C1GALT1: variants seen among roughly 807,000 people sequenced by gnomAD.
C1GALT1 encodes core 1 synthase, glycoprotein-N-acetylgalactosamine 3-beta-galactosyltransferase 1.
Under a neutral mutation model 31.0 loss-of-function variants are expected in C1GALT1, and 11 were observed. The observed-to-expected ratio is 0.36, with a 90% CI of 0.22 to 0.59. The LOEUF (loss-of-function observed/expected upper bound fraction) is 0.59. Among genes scored for constraint, C1GALT1 ranks in the 20% least tolerant of loss-of-function variants. The pLI is 0.79. For missense variants in C1GALT1, 424 were observed against 425.2 expected (o/e 1.00, Z 0.03); for synonymous variants, 175 against 143.6 (o/e 1.22, Z -1.56).
chr7:7,225,047 G>A (rs1782692196), intron 1 of C1GALT1, among the ~76,000 whole-genome samples: 1 of 125,076 alleles, frequency 8.0e-6, no homozygotes, highest in Admixed American at 7.7e-5. Context: ...TTACAAGTGA[G>A]AACTAATAAG....
chr7:7,164,283 G>T (rs561329496), intron 2 of C1GALT1, among the ~76,000 whole-genome samples: 9 of 152,278 alleles, frequency 5.9e-5, no homozygotes, highest in Non-Finnish European at 1.2e-4. Flanking sequence ...GCTGAAACTG[G>T]ATCCCTTCCT....
chr7:7,231,712 G>C (rs1783082733), intron 1 of C1GALT1, among the ~76,000 whole-genome samples: 1 of 150,756 alleles, frequency 6.6e-6, no homozygotes, highest in South Asian at 2.1e-4. Context: ...CTACTTTTTT[G>C]TGTTTAGCCG....
intron 1 of C1GALT1, among the ~76,000 whole-genome samples, chr7:7,232,732 C>G (rs1218482401): frequency 1.3e-5 from 2 of 152,112 alleles, no homozygotes; most frequent in African/African-American, 4.8e-5. Flanking sequence ...TCAGGTGATC[C>G]ACCCGCCTTG....
rs1783933044 is a variant in C1GALT1 at position 7,248,435 on chromosome 7, A to C, written c.*4708A>C. 1 of 152,044 alleles carries C rather than the reference A, an allele frequency of 6.6e-6. No homozygotes were observed. The highest frequency in any genetic ancestry group is 2.4e-5 in the African/African-American group (1 of 41,452). The allele number at this position is 152,044 out of a possible 1,614,324, so 9.4% of individuals were successfully genotyped here. On this transcript the variant is annotated 3_prime_UTR_variant, in exon 4 of 4. Transcript: ENST00000436587. ...ACATAGTGAATGTTCGTGTTTTGGA[A>C]TTTAAAAATTATTTAAGGTAATGGT...
intron 2 of C1GALT1, among the ~76,000 whole-genome samples, chr7:7,162,528 G>T (rs12154648): frequency 2.0e-5 from 3 of 150,898 alleles, no homozygotes; most frequent in South Asian, 2.1e-4. Flanking sequence ...TTGGACATTT[G>T]GGTTGGTTCC....
chr7:7,162,670 A>G (rs1029955821), intron 2 of C1GALT1, among the ~76,000 whole-genome samples: 15 of 150,732 alleles, frequency 1.0e-4, no homozygotes, highest in African/African-American at 3.6e-4. Context: ...TTCTAGTTCT[A>G]GATCCCTGAG....
chr7:7,232,401 A>G (rs893029348), intron 1 of C1GALT1, among the ~76,000 whole-genome samples: 4 of 151,724 alleles, frequency 2.6e-5, no homozygotes, highest in Non-Finnish European at 5.9e-5. Flanking sequence ...TATTTCCCAG[A>G]CCTCTACTTT....
At chr7:7,185,628 C>T (rs1234685985) in intron 1 of C1GALT1, among the ~76,000 whole-genome samples, 1 of 152,194 alleles carries the variant, frequency 6.6e-6, no homozygotes, top group Non-Finnish European at 1.5e-5. Context: ...CTGTGTGGCT[C>T]TGTCTTCAGA....
intron 2 of C1GALT1, among the ~76,000 whole-genome samples, chr7:7,165,984 A>T (rs1780388621): frequency 1.3e-5 from 2 of 152,212 alleles, no homozygotes; most frequent in African/African-American, 4.8e-5. Flanking sequence ...TTCATTATGT[A>T]TATGCAAATA....
chr7:7,216,167 C>G (rs942916375), intron 1 of C1GALT1, among the ~76,000 whole-genome samples: 2 of 152,068 alleles, frequency 1.3e-5, no homozygotes, highest in African/African-American at 4.8e-5. Context: ...GAGTGCACTC[C>G]AGAGGGGTGC....
At position 7,216,787 on chromosome 7, in the gene C1GALT1, C is replaced by G. The variant is rs78647564; in HGVS notation, c.-17-17516C>G. 4.2e-3 allele frequency among the ~76,000 whole-genome samples: 640 copies of G among 152,284 alleles called. 9 individuals carry two copies. Among genetic ancestry groups the G allele is most frequent in the East Asian group, 0.042 (216 of 5,174 alleles). On this transcript the variant is annotated intron_variant, in intron 1 of 3. Transcript: ENST00000436587. Reference sequence around the variant, plus strand: ...TCTGGCTGCCGAAGACATTTTACTGCTAACTTAAAAGCATAAACTTCCGTT... The same window carrying G: ...TCTGGCTGCCGAAGACATTTTACTGGTAACTTAAAAGCATAAACTTCCGTT...
In C1GALT1 at chr7:7,244,116, A is replaced by G. The variant is rs1410265722; in HGVS notation, c.*389A>G. 1 of 154,798 alleles carries G rather than the reference A, an allele frequency of 6.5e-6. No individual in the cohort carries two copies. The highest frequency in any genetic ancestry group is 6.5e-5 in the Admixed American group (1 of 15,470). The allele number at this position is 154,798 out of a possible 1,614,324, so 9.6% of individuals were successfully genotyped here. On this transcript the variant is annotated 3_prime_UTR_variant, in exon 4 of 4. Transcript: ENST00000436587. ...AATAAACAGATCTGCCTTAAAGAAA[A>G]GAAAATTTTAGAAAGAAATATTGTT... is the stretch of plus-strand genomic sequence containing the variant.
intron 1 of C1GALT1, among the ~76,000 whole-genome samples, chr7:7,190,639 T>C (rs1375052573): frequency 6.6e-6 from 1 of 152,106 alleles, no homozygotes; most frequent in Admixed American, 6.6e-5. Flanking sequence ...CTCTTCCCCT[T>C]CCCCAGTTCC....
chr7:7,182,867 C>G, intron 1 of C1GALT1, 47 bp downstream of exon 1: 1 of 984,634 alleles, frequency 1.0e-6, no homozygotes, highest in African/African-American at 1.7e-5. Context: ...AAGGTCTCGT[C>G]TCCCCTCGCC....
At chr7:7,213,944 A>G (rs959273497) in intron 1 of C1GALT1, among the ~76,000 whole-genome samples, 1 of 152,164 alleles carries the variant, frequency 6.6e-6, no homozygotes, top group Non-Finnish European at 1.5e-5. Flanking sequence ...AGGCAACCCA[A>G]AGCCAATTGG....
chr7:7,168,799 A>G (rs1266209027), intron 2 of C1GALT1, among the ~76,000 whole-genome samples: 4 of 152,224 alleles, frequency 2.6e-5, no homozygotes, highest in Non-Finnish European at 4.4e-5. Flanking sequence ...TGCCAACATT[A>G]TTCCTGTCTT....
chr7:7,171,604 G>T (rs759689608), intron 2 of C1GALT1, among the ~76,000 whole-genome samples: 1 of 151,968 alleles, frequency 6.6e-6, no homozygotes, highest in Non-Finnish European at 1.5e-5. Context: ...TCATAATGAA[G>T]TATTTCTGCC....
chr7:7,202,416 A>G (rs972672473), intron 1 of C1GALT1, among the ~76,000 whole-genome samples: 1 of 152,128 alleles, frequency 6.6e-6, no homozygotes, highest in African/African-American at 2.4e-5. Context: ...GTGTTATGTA[A>G]AAGTCCAACT....
chr7:7,224,721 A>C (rs11767985), intron 1 of C1GALT1, among the ~76,000 whole-genome samples: 71,268 of 151,422 alleles, frequency 0.47, 17,952 homozygotes, highest in African/African-American at 0.66. Flanking sequence ...TTTGTGTCTC[A>C]ATCTTTAGAG....
Sources: allele counts gnomAD v4.1 joint callset (sites outside exome capture counted in the v4.1 genomes callset), GRCh38; gene constraint gnomAD v4.1.1; transcripts MANE v1.5; gene names NCBI Gene and HGNC (gene_info 2026-07-23, HGNC 2026-07-21).